The following RBFOX1 variants were observed in gnomAD, a reference collection of about 807,000 sequenced individuals.
The protein encoded by RBFOX1 is RNA binding protein fox-1 homolog 1.
A neutral mutation model predicts 57.7 loss-of-function variants in RBFOX1; 8 were observed. That is an observed-to-expected ratio of 0.14 (90% confidence interval 0.08 to 0.25). RBFOX1 has a LOEUF of 0.25. RBFOX1 is among the 10% of genes least tolerant of loss of function. The probability of loss-of-function intolerance (pLI) is 1.00; values close to 1 mark genes in which losing one functional copy is unlikely to be tolerated. For missense variants in RBFOX1, 611 were observed against 548.5 expected, an observed-to-expected ratio of 1.11 and a Z score of -1.14; for synonymous variants, 326 against 222.4, an observed-to-expected ratio of 1.47 and a Z score of -4.15.
chr16:7,536,397 C>T (rs185683731), intron 5 of RBFOX1, among the ~76,000 whole-genome samples: 2 of 152,212 alleles, frequency 1.3e-5, no homozygotes, highest in African/African-American at 4.8e-5. Flanking sequence ...AGTTCAAGAC[C>T]AGCCTGGCCA....
At position 7,710,267 on chromosome 16, in the gene RBFOX1, G is replaced by A. The variant is rs1445672288; in HGVS notation, c.1072-356G>A. 10 of 1,104,950 alleles carry A rather than the reference G, an allele frequency of 9.1e-6. No homozygotes were observed. In the East Asian group the frequency reaches 4.0e-4, roughly 44 times the overall value. 68.4% of individuals were successfully genotyped at this position (1,104,950 alleles called of 1,614,324 possible). A position where few individuals can be genotyped will look rare whatever the true frequency, so the allele number is the denominator to read the frequency against. ...CCTAGTCCACATGAGGAATGTGTTG[G>A]AGAGTTGAATTACATTCAACAACTG... On this transcript the variant is annotated intron_variant, in intron 15 of 15. Transcript: ENST00000550418.
intron 1 of RBFOX1, among the ~76,000 whole-genome samples, chr16:6,183,910 A>T (rs1300864945): frequency 6.6e-6 from 1 of 152,086 alleles, no homozygotes; most frequent in Admixed American, 6.6e-5. Flanking sequence ...CCATTGGAGG[A>T]TGTATTAGTC....
chr16:6,519,079 C>G (rs1019719408), intron 2 of RBFOX1, among the ~76,000 whole-genome samples: 4 of 151,132 alleles, frequency 2.6e-5, no homozygotes, highest in Admixed American at 1.3e-4. Flanking sequence ...AAGCTGCCAC[C>G]CATCGTATGC....
intron 4 of RBFOX1, among the ~76,000 whole-genome samples, chr16:7,278,236 C>T (rs984795028): frequency 6.6e-6 from 1 of 152,102 alleles, no homozygotes; most frequent in Non-Finnish European, 1.5e-5. Context: ...CAAATGTGTG[C>T]CTATTCACAA....
chr16:6,777,135 C>T (rs545239857), intron 3 of RBFOX1, among the ~76,000 whole-genome samples: 45 of 151,734 alleles, frequency 3.0e-4, no homozygotes, highest in Admixed American at 2.4e-3. Context: ...GTCTTGTATG[C>T]GATGTGCTAC....
chr16:5,431,461 G>A (rs141063447), intron 1 of RBFOX1, among the ~76,000 whole-genome samples: 3 of 151,934 alleles, frequency 2.0e-5, no homozygotes, highest in East Asian at 1.9e-4. Context: ...TACAACCTCC[G>A]CCTCCTGGGT....
intron 4 of RBFOX1, among the ~76,000 whole-genome samples, chr16:7,337,067 G>A (rs963563652): frequency 3.9e-5 from 6 of 152,114 alleles, no homozygotes; most frequent in African/African-American, 7.2e-5. Flanking sequence ...TGACTCCAAC[G>A]GGTCTTAGGT....
chr16:5,844,653 TA>T (rs1040264122), intron 3 of RBFOX1, among the ~76,000 whole-genome samples: 5 of 151,750 alleles, frequency 3.3e-5, no homozygotes, highest in African/African-American at 1.2e-4. Context: ...CTGAATGAAA[TA>T]AAAAAAAGGA....
At chr16:5,833,814 A>G (rs912157951) in intron 3 of RBFOX1, among the ~76,000 whole-genome samples, 1 of 152,150 alleles carries the variant, frequency 6.6e-6, no homozygotes, top group African/African-American at 2.4e-5. Flanking sequence ...GCCCTGTCCA[A>G]ATTATTATAA....
At chr16:7,026,220 G>A (rs1009855341) in intron 3 of RBFOX1, among the ~76,000 whole-genome samples, 4 of 152,140 alleles carry the variant, frequency 2.6e-5, no homozygotes, top group Admixed American at 2.0e-4. Context: ...CTTCTAGGAA[G>A]GCAAGAGGCC....
Position 7,480,065 on chromosome 16 carries a change from G to C in RBFOX1, c.28-38082G>C, listed in dbSNP as rs539907720. 9.5e-4 allele frequency among the ~76,000 whole-genome samples: 144 copies of C among 152,294 alleles called. 2 individuals are homozygous for C. The South Asian group carries it at 0.029, about 31-fold the overall frequency. ...CTCAGTAAACAACTGCCTTTCTTCT[G>C]AATGGTCTATGTGAGCTGTTGATTA... On this transcript the variant is annotated intron_variant, in intron 4 of 15. Transcript: ENST00000550418.
chr16:7,637,130 A>G (rs2061894996), intron 11 of RBFOX1, among the ~76,000 whole-genome samples: 2 of 152,168 alleles, frequency 1.3e-5, no homozygotes, highest in African/African-American at 4.8e-5. Flanking sequence ...CCGTATGCTT[A>G]TCAATGCCAA....
At chr16:5,807,013 C>T (rs995705346) in intron 3 of RBFOX1, among the ~76,000 whole-genome samples, 2 of 152,084 alleles carry the variant, frequency 1.3e-5, no homozygotes, top group South Asian at 4.2e-4. Context: ...CTAGAGCTAC[C>T]CCCCGACACC....
intron 3 of RBFOX1, among the ~76,000 whole-genome samples, chr16:6,960,396 C>G (rs975332008): frequency 1.7e-4 from 26 of 152,134 alleles, no homozygotes; most frequent in Non-Finnish European, 2.9e-4. Context: ...TTAAGTTGGT[C>G]TGGTGATATT....
At chr16:5,906,420 C>G (rs1488866230) in intron 4 of RBFOX1, among the ~76,000 whole-genome samples, 3 of 152,170 alleles carry the variant, frequency 2.0e-5, no homozygotes, top group Non-Finnish European at 4.4e-5. Context: ...CTACTGCATG[C>G]TAGGGTAGAG....
chr16:6,568,249 G>A (rs752548659), intron 2 of RBFOX1, among the ~76,000 whole-genome samples: 12 of 152,200 alleles, frequency 7.9e-5, no homozygotes, highest in Non-Finnish European at 1.2e-4. Flanking sequence ...TTGTGAGGTG[G>A]TGGTTCAGTA....
chr16:7,585,242 A>C (rs1373557470), intron 6 of RBFOX1, among the ~76,000 whole-genome samples: 1 of 152,192 alleles, frequency 6.6e-6, no homozygotes, highest in Non-Finnish European at 1.5e-5. Flanking sequence ...AATTCAGCTC[A>C]CGTTTGAATG....
intron 3 of RBFOX1, among the ~76,000 whole-genome samples, chr16:5,707,046 C>T (rs1452619800): frequency 6.6e-6 from 1 of 152,170 alleles, no homozygotes; most frequent in Non-Finnish European, 1.5e-5. Flanking sequence ...TCCAGCAGAG[C>T]ACCCATCCAG....
intron 4 of RBFOX1, among the ~76,000 whole-genome samples, chr16:5,907,494 A>T (rs1260997597): frequency 6.6e-6 from 1 of 152,108 alleles, no homozygotes; most frequent in Non-Finnish European, 1.5e-5. Context: ...TCTCCTTCAG[A>T]GGGCTTGGGC....
Sources: allele counts gnomAD v4.1 joint callset (sites outside exome capture counted in the v4.1 genomes callset), GRCh38; gene constraint gnomAD v4.1.1; transcripts MANE v1.5; gene names NCBI Gene and HGNC (gene_info 2026-07-23, HGNC 2026-07-21).